ARHGEF3: variants seen among roughly 807,000 people sequenced by gnomAD.
ARHGEF3 encodes the protein Rho guanine nucleotide exchange factor 3.
Under a neutral mutation model 63.2 loss-of-function variants are expected in ARHGEF3, and 28 were observed. The observed-to-expected ratio is 0.44, with a 90% CI of 0.33 to 0.61. The LOEUF (loss-of-function observed/expected upper bound fraction) is 0.61, where lower values mean the gene tolerates loss of function less well. Ranked by LOEUF, ARHGEF3 falls within the 20% of genes least tolerant of loss-of-function variation. ARHGEF3 has a pLI of 0.03. For missense variants in ARHGEF3, 533 were observed against 659.3 expected (o/e 0.81, Z 2.10); for synonymous variants, 266 against 254.2 (o/e 1.05, Z -0.44).
chr3:56,754,369 G>A (rs1375053639), intron 3 of ARHGEF3, among the ~76,000 whole-genome samples: 3 of 152,176 alleles, frequency 2.0e-5, no homozygotes, highest in Admixed American at 6.5e-5. Context: ...GGGAAACAGT[G>A]GTCAGGCTTT....
chr3:56,763,829 C>A (rs142997970), intron 2 of ARHGEF3, among the ~76,000 whole-genome samples: 1 of 152,036 alleles, frequency 6.6e-6, no homozygotes, highest in Non-Finnish European at 1.5e-5. Flanking sequence ...CTTGTTTCAG[C>A]CTCACAAAGT....
At chr3:56,975,483 T>TA (rs1467559876) in intron 2 of ARHGEF3, among the ~76,000 whole-genome samples, 1 of 152,200 alleles carries the variant, frequency 6.6e-6, no homozygotes, top group Non-Finnish European at 1.5e-5. Flanking sequence ...CACTGTGTCA[T>TA]AGCCAGACAC....
chr3:57,035,732 G>A (rs936242450), intron 1 of ARHGEF3, among the ~76,000 whole-genome samples: 3 of 152,204 alleles, frequency 2.0e-5, no homozygotes, highest in Non-Finnish European at 2.9e-5. Context: ...GAAGTGATGT[G>A]TGCCACTTCT....
At chr3:57,014,028 T>A (rs1342981238) in intron 2 of ARHGEF3, among the ~76,000 whole-genome samples, 1 of 152,162 alleles carries the variant, frequency 6.6e-6, no homozygotes, top group Non-Finnish European at 1.5e-5. Context: ...CTTTATGAGC[T>A]GTAACACTCA....
At chr3:56,973,269 G>A (rs1426906011) in intron 2 of ARHGEF3, among the ~76,000 whole-genome samples, 1 of 152,012 alleles carries the variant, frequency 6.6e-6, no homozygotes, top group East Asian at 1.9e-4. Context: ...CGCGCGCCTC[G>A]GCCTCCCAAA....
chr3:56,813,912 G>C (rs1272937164), intron 4 of ARHGEF3, among the ~76,000 whole-genome samples: 1 of 151,962 alleles, frequency 6.6e-6, no homozygotes, highest in Non-Finnish European at 1.5e-5. Flanking sequence ...TCTGAGCTCA[G>C]TAGACAGATG....
chr3:56,812,862 A>G (rs2038119536), intron 4 of ARHGEF3, among the ~76,000 whole-genome samples: 1 of 152,232 alleles, frequency 6.6e-6, no homozygotes. Flanking sequence ...AGAGCCTTAC[A>G]AGAGATAATT....
chr3:56,786,513 T>C (rs948600345), intron 1 of ARHGEF3, among the ~76,000 whole-genome samples: 6 of 152,214 alleles, frequency 3.9e-5, no homozygotes, highest in African/African-American at 1.4e-4. Context: ...ACACTTTCCA[T>C]CCTGTAGTGC....
intron 1 of ARHGEF3, among the ~76,000 whole-genome samples, chr3:57,037,743 C>T (rs1160685273): frequency 6.6e-6 from 1 of 152,160 alleles, no homozygotes; most frequent in Non-Finnish European, 1.5e-5. Flanking sequence ...GGCTTGGTGG[C>T]GGGCACCTAT....
intron 4 of ARHGEF3, among the ~76,000 whole-genome samples, chr3:56,859,587 T>A (rs1444415379): frequency 6.6e-6 from 1 of 150,902 alleles, no homozygotes; most frequent in Non-Finnish European, 1.5e-5. Context: ...TGGAGTGCAG[T>A]GGAGCAGAGA....
intron 2 of ARHGEF3, among the ~76,000 whole-genome samples, chr3:56,766,586 T>A (rs1230557117): frequency 6.6e-6 from 1 of 152,200 alleles, no homozygotes; most frequent in Non-Finnish European, 1.5e-5. Flanking sequence ...TGTGTAGTAT[T>A]AGGCACTGTG....
chr3:56,934,406 C>A (rs1393005891), intron 3 of ARHGEF3, among the ~76,000 whole-genome samples: 1 of 152,240 alleles, frequency 6.6e-6, no homozygotes, highest in African/African-American at 2.4e-5. Context: ...ACTGTGGGAG[C>A]CCCTTTCTGG....
intron 2 of ARHGEF3, among the ~76,000 whole-genome samples, chr3:56,967,815 T>A (rs190290059): frequency 2.2e-4 from 15 of 68,192 alleles, no homozygotes; most frequent in African/African-American, 5.4e-4. Context: ...TAATATATAT[T>A]ATATAATATA....
At chr3:57,078,926 G>T (rs1308214010) in intron 1 of ARHGEF3, 1 of 287,360 alleles carries the variant, frequency 3.5e-6, no homozygotes, top group African/African-American at 2.2e-5. Context: ...TCCCCAGCAG[G>T]AGCGACGGCT....
intron 1 of ARHGEF3, among the ~76,000 whole-genome samples, chr3:57,068,007 A>C (rs1705659091): frequency 6.6e-6 from 1 of 151,888 alleles, no homozygotes; most frequent in South Asian, 2.1e-4. Context: ...ACAAAAACAA[A>C]CAAACAACAA....
chr3:57,076,508 G>GC (rs1178704728), intron 1 of ARHGEF3, among the ~76,000 whole-genome samples: 2 of 152,102 alleles, frequency 1.3e-5, no homozygotes, highest in African/African-American at 4.8e-5. Context: ...CTGGTTCTCT[G>GC]CCCCCTCTCC....
intron 4 of ARHGEF3, among the ~76,000 whole-genome samples, chr3:56,867,717 C>T (rs898576921): frequency 2.6e-5 from 4 of 152,122 alleles, no homozygotes; most frequent in African/African-American, 4.8e-5. Context: ...GCAATCCTCC[C>T]GCCTCAGCCT....
intron 2 of ARHGEF3, among the ~76,000 whole-genome samples, chr3:56,995,746 A>G (rs959794223): frequency 6.6e-6 from 1 of 152,018 alleles, no homozygotes; most frequent in Middle Eastern, 3.2e-3. Flanking sequence ...AATAGAGAGG[A>G]AACTAAAAAA....
intron 3 of ARHGEF3, among the ~76,000 whole-genome samples, chr3:56,884,577 A>C (rs1193302705): frequency 6.6e-6 from 1 of 152,382 alleles, no homozygotes; most frequent in South Asian, 2.1e-4. Context: ...GGAATGCTTA[A>C]TCAGCCATTT....
Sources: gnomAD v4.1 joint callset for allele counts (sites outside exome capture counted in the v4.1 genomes callset) on GRCh38, gnomAD v4.1.1 for gene constraint, MANE v1.5 for transcripts, NCBI Gene and HGNC (gene_info 2026-07-23, HGNC 2026-07-21) for gene names.